The following CACNB2 variants were observed in gnomAD, a reference collection of about 807,000 sequenced individuals.
The protein encoded by CACNB2 is calcium voltage-gated channel auxiliary subunit beta 2, also known as voltage-dependent L-type calcium channel subunit beta-2.
In CACNB2, 42 loss-of-function variants were observed where a neutral mutation model predicts 73.3. That is an observed-to-expected ratio of 0.57 (90% CI 0.45 to 0.74). CACNB2 has a LOEUF of 0.74. Among genes scored for constraint, CACNB2 ranks in the 30% least tolerant of loss-of-function variants. The probability of loss-of-function intolerance (pLI) is 0.00; values close to 1 mark genes in which losing one functional copy is unlikely to be tolerated. For missense variants in CACNB2, 940 were observed against 853.0 expected, an observed-to-expected ratio of 1.10 and a Z score of -1.27; for synonymous variants, 348 against 310.3, an observed-to-expected ratio of 1.12 and a Z score of -1.28.
Position 18,309,781 on chromosome 10 carries a change from C to G in CACNB2, c.214-92143C>G, listed in dbSNP as rs74229407. 3.5e-3 allele frequency among the ~76,000 whole-genome samples: 535 copies of G among 152,184 alleles called. 21 individuals carry two copies. The East Asian group carries it at 0.08, about 23-fold the overall frequency. On this transcript the variant is annotated intron_variant, in intron 2 of 13. Transcript: ENST00000324631. ...CCAGAAAATGTGGGTTTTATTTGAT[C>G]TGGTGTATTTCTGTTTGTTTCAGAA...
At chr10:18,413,118 A>G (rs2044730921) in intron 3 of CACNB2, among the ~76,000 whole-genome samples, 1 of 152,128 alleles carries the variant, frequency 6.6e-6, no homozygotes, top group African/African-American at 2.4e-5. Flanking sequence ...TTACAGGCAC[A>G]TGCCATCACA....
intron 5 of CACNB2, among the ~76,000 whole-genome samples, chr10:18,502,175 C>T (rs527734421): frequency 1.1e-4 from 17 of 152,038 alleles, no homozygotes; most frequent in Admixed American, 4.6e-4. Flanking sequence ...GGCATGGTGG[C>T]GGGAGCCTGT....
chr10:18,450,302 A>G (rs1246116917), intron 3 of CACNB2, among the ~76,000 whole-genome samples: 1 of 152,176 alleles, frequency 6.6e-6, no homozygotes. Context: ...TGCATTAAGT[A>G]GGGCTAAAAG....
intron 3 of CACNB2, among the ~76,000 whole-genome samples, chr10:18,463,318 G>GT (rs1390374322): frequency 6.6e-6 from 1 of 151,836 alleles, no homozygotes; most frequent in Non-Finnish European, 1.5e-5. Context: ...GAGCCCAGGA[G>GT]TTCAAGATCA....
At chr10:18,478,498 C>A (rs1282284011) in intron 3 of CACNB2, among the ~76,000 whole-genome samples, 5 of 152,198 alleles carry the variant, frequency 3.3e-5, no homozygotes, top group Admixed American at 6.5e-5. Flanking sequence ...GGGTAGTAAA[C>A]TTCTGAAGCT....
At chr10:18,498,618 C>T in intron 4 of CACNB2, 141 bp downstream of exon 4, 1 of 833,250 alleles carries the variant, frequency 1.2e-6, no homozygotes, top group Non-Finnish European at 2.0e-6. Context: ...AAATCAATGG[C>T]TCTCAACCTC....
intron 3 of CACNB2, among the ~76,000 whole-genome samples, chr10:18,451,221 G>A (rs1310294230): frequency 6.6e-6 from 1 of 152,190 alleles, no homozygotes; most frequent in Non-Finnish European, 1.5e-5. Context: ...CTCCTGATGT[G>A]AGAAAAGTAA....
At chr10:18,268,136 C>T (rs560207733) in intron 2 of CACNB2, among the ~76,000 whole-genome samples, 2 of 152,278 alleles carry the variant, frequency 1.3e-5, no homozygotes, top group South Asian at 2.1e-4. Context: ...AGAAGGATGC[C>T]TTCATTGTTT....
At chr10:18,366,535 A>C (rs184567841) in intron 2 of CACNB2, among the ~76,000 whole-genome samples, 40 of 150,228 alleles carry the variant, frequency 2.7e-4, no homozygotes, top group African/African-American at 8.8e-4. Flanking sequence ...ATAATCAATT[A>C]ATATAGTCCA....
chr10:18,165,166 A>G (rs998895362), intron 2 of CACNB2, among the ~76,000 whole-genome samples: 12 of 152,220 alleles, frequency 7.9e-5, no homozygotes, highest in African/African-American at 1.2e-4. Flanking sequence ...AGCATTGCCA[A>G]GAAAGTCATA....
chr10:18,293,053 T>C (rs927923555), intron 2 of CACNB2, among the ~76,000 whole-genome samples: 15 of 152,238 alleles, frequency 9.9e-5, no homozygotes, highest in Admixed American at 5.2e-4. Context: ...TCTTACTTTA[T>C]ATGAAATAGC....
At chr10:18,155,494 G>A (rs2031970083) in intron 2 of CACNB2, among the ~76,000 whole-genome samples, 2 of 152,168 alleles carry the variant, frequency 1.3e-5, no homozygotes, top group Non-Finnish European at 2.9e-5. Context: ...TCCAGTTGAG[G>A]GAACTGAGAT....
intron 2 of CACNB2, among the ~76,000 whole-genome samples, chr10:18,389,978 AT>A (rs2043394321): frequency 6.6e-6 from 1 of 152,206 alleles, no homozygotes; most frequent in Admixed American, 6.5e-5. Flanking sequence ...TGTGCCTTTT[AT>A]ATATGCAAAG....
At chr10:18,152,740 C>CAAAACAAAAA (rs1564298583) in intron 2 of CACNB2, among the ~76,000 whole-genome samples, 8 of 97,448 alleles carry the variant, frequency 8.2e-5, no homozygotes, top group Non-Finnish European at 1.6e-4. Context: ...AAACAAAAAA[C>CAAAACAAAAA]AAAACACTAG....
At chr10:18,273,042 A>G (rs1392577662) in intron 2 of CACNB2, among the ~76,000 whole-genome samples, 2 of 152,196 alleles carry the variant, frequency 1.3e-5, no homozygotes, top group Non-Finnish European at 2.9e-5. Context: ...GTGCATCACT[A>G]TTTTTTGAGG....
chr10:18,324,658 C>A (rs2040514951), intron 2 of CACNB2, among the ~76,000 whole-genome samples: 1 of 152,236 alleles, frequency 6.6e-6, no homozygotes, highest in South Asian at 2.1e-4. Context: ...GAGTTTGAGA[C>A]CAGCCTGGCC....
chr10:18,431,440 C>T (rs2045885671), intron 3 of CACNB2, among the ~76,000 whole-genome samples: 1 of 151,836 alleles, frequency 6.6e-6, no homozygotes, highest in African/African-American at 2.4e-5. Flanking sequence ...AATCTATTGC[C>T]TTTTCCTGTG....
intron 2 of CACNB2, among the ~76,000 whole-genome samples, chr10:18,378,776 G>A (rs745752511): frequency 8.5e-5 from 13 of 152,090 alleles, no homozygotes; most frequent in Admixed American, 3.9e-4. Flanking sequence ...GTGGCCTGAC[G>A]GTTAAGTATG....
At chr10:18,533,558 G>A (rs914520486) in intron 10 of CACNB2, among the ~76,000 whole-genome samples, 1 of 152,214 alleles carries the variant, frequency 6.6e-6, no homozygotes, top group East Asian at 1.9e-4. Context: ...GTGTGTTTTT[G>A]GATAAGTTTC....
Sources: allele counts gnomAD v4.1 joint callset (sites outside exome capture counted in the v4.1 genomes callset), GRCh38; gene constraint gnomAD v4.1.1; transcripts MANE v1.5; gene names NCBI Gene and HGNC (gene_info 2026-07-23, HGNC 2026-07-21).